CBX2: variants seen among roughly 807,000 people sequenced by gnomAD.
The protein encoded by CBX2 is chromobox protein homolog 2.
A neutral mutation model predicts 21.0 loss-of-function variants in CBX2; 11 were observed. That is an observed-to-expected ratio of 0.52 (90% CI 0.33 to 0.87). The LOEUF (loss-of-function observed/expected upper bound fraction) is 0.87, where lower values mean the gene tolerates loss of function less well. CBX2 is among the 40% of genes least tolerant of loss of function. The pLI, the probability that CBX2 is intolerant of heterozygous loss-of-function variation, is 0.02. For missense variants in CBX2, 746 were observed against 724.3 expected (o/e 1.03, Z -0.34); for synonymous variants, 364 against 304.6 (o/e 1.19, Z -2.03).
chr17:79,778,826 G>A lies in CBX2; in HGVS notation c.116+399G>A, dbSNP rs1906938444. 6.6e-6 allele frequency among the ~76,000 whole-genome samples: 1 copy of A among 152,158 alleles called. No individual in the cohort carries two copies. The highest frequency in any genetic ancestry group is 2.4e-5 in the African/African-American group (1 of 41,440). On this transcript the variant is annotated intron_variant, in intron 2 of 4. Transcript: ENST00000310942. This position sits in a 1 kb window ranked among gnomAD's most constrained non-coding sequence, Gnocchi z 4.8. ...TTTTTTTCTTTCTTTTAATGGAAGG[G>A]AGGGTGTTTGGCATCCCCGGAAGGG...
intron 3 of CBX2, among the ~76,000 whole-genome samples, chr17:79,780,821 TC>T (rs1455348152): frequency 2.0e-5 from 3 of 152,094 alleles, no homozygotes; most frequent in Non-Finnish European, 4.4e-5. Context: ...GCGGAGGAGA[TC>T]CATGCAACAC....
chr17:79,777,935 G>T (rs1418303302), upstream of CBX2, among the ~76,000 whole-genome samples: 1 of 130,580 alleles, frequency 7.7e-6, no homozygotes, highest in Non-Finnish European at 1.7e-5. Flanking sequence ...CCCCGCCCCC[G>T]CCCCCGCCCG....
rs2145819479 is a variant in CBX2, at chr17:79,778,381, C to T, written c.73-3C>T. On this transcript the variant is annotated splice_polypyrimidine_tract_variant and splice_region_variant and intron_variant, in intron 1 of 4. Transcript: ENST00000310942. This position sits in a 1 kb window ranked among gnomAD's most constrained non-coding sequence, Gnocchi z 4.8. Reference sequence around the variant, plus strand: ...GCTCACGGCCCCTCTTCTCTCCCCGCAGGGCAAGCTGGAGTACCTGGTCAA... The same window carrying T: ...GCTCACGGCCCCTCTTCTCTCCCCGTAGGGCAAGCTGGAGTACCTGGTCAA... 2 of 1,584,368 alleles carry T rather than the reference C, an allele frequency of 1.3e-6. No individual in the cohort carries two copies. Among genetic ancestry groups the T allele is most frequent in the Non-Finnish European group, 8.5e-7 (1 of 1,170,250 alleles).
At position 79,783,919 on chromosome 17, in the gene CBX2, C is replaced by T. The variant is rs782371642; in HGVS notation, c.476C>T (p.Pro159Leu). The T allele has an allele frequency of 1.4e-5, 23 of 1,613,882 alleles. No individual in the cohort carries two copies. The highest frequency in any genetic ancestry group is 1.6e-4 in the Middle Eastern group (1 of 6,084). Residue 159 changes from proline to leucine, a missense_variant, in exon 5 of 5, where the codon CCC (proline) becomes CTC (leucine). By Grantham distance (98) the Pro-to-Leu change is moderately conservative. This residue lies in a region of CBX2 where 701 missense variants were observed against 650.7 expected (regional missense o/e 1.08). Coordinates refer to ENST00000310942, the MANE Select transcript of CBX2 (RefSeq NM_005189.3). The part of the protein sequence containing the change: ...ILVAKPELKD[P>L]IRKKRGRKPL... ...GTGGCCAAACCCGAGCTGAAGGATC[C>T]CATCCGGAAGAAGCGGGGACGAAAG...
upstream of CBX2, chr17:79,778,142 G>C (rs1241190310): frequency 1.8e-6 from 1 of 543,852 alleles, no homozygotes; most frequent in African/African-American, 2.1e-5. The surrounding 1 kb of genome is among the most constrained non-coding windows in gnomAD (Gnocchi z 4.8). Flanking sequence ...GGCGCCGGGC[G>C]GGGGCGGTGC....
rs1368047794 is a variant in CBX2 at position 79,778,169 on chromosome 17, G to A, written c.-67G>A. 4 of 960,064 alleles carry A rather than the reference G, an allele frequency of 4.2e-6. No individual in the cohort carries two copies. Among genetic ancestry groups the A allele is most frequent in the East Asian group, 4.2e-5 (1 of 23,612 alleles). 59.5% of individuals were successfully genotyped at this position (960,064 alleles called of 1,614,324 possible). On this transcript the variant is annotated 5_prime_UTR_variant, in exon 1 of 5. Coordinates refer to ENST00000310942, the MANE Select transcript of CBX2 (RefSeq NM_005189.3). This position sits in a 1 kb window ranked among gnomAD's most constrained non-coding sequence, Gnocchi z 4.8. ...GGGCGGTGCTTTGTGTGCTGCCGGCGGGGCGCGCGGCGGTCCGGGCGGGTG... is the reference window on the plus strand; with the variant it reads ...GGGCGGTGCTTTGTGTGCTGCCGGCAGGGCGCGCGGCGGTCCGGGCGGGTG...
chr17:79,779,137 G>T (rs563337531), intron 2 of CBX2, among the ~76,000 whole-genome samples: 8 of 152,342 alleles, frequency 5.3e-5, no homozygotes, highest in Non-Finnish European at 1.0e-4. Context: ...TAATTGGGGG[G>T]TTGGAGCGGC....
At chr17:79,782,267 A>T in intron 4 of CBX2, 7 of 1,555,586 alleles carry the variant, frequency 4.5e-6, no homozygotes, top group Non-Finnish European at 6.1e-6. Flanking sequence ...GGCTGACTGA[A>T]TAGCCAGGGG....
intron 2 of CBX2, among the ~76,000 whole-genome samples, 153 bp from the exon 3 acceptor site, chr17:79,779,209 C>G (rs530746863): frequency 1.5e-4 from 23 of 152,260 alleles, no homozygotes; most frequent in African/African-American, 5.5e-4. Context: ...GCCTCCAAAA[C>G]CTGGGTTTGG....
intron 3 of CBX2, among the ~76,000 whole-genome samples, chr17:79,780,886 A>C (rs1402472864): frequency 1.3e-5 from 2 of 152,128 alleles, no homozygotes; most frequent in South Asian, 2.1e-4. Context: ...AAGAGTATGA[A>C]CTTTGCCTGG....
At chr17:79,782,351 C>T in intron 4 of CBX2, 2 of 1,458,058 alleles carry the variant, frequency 1.4e-6, no homozygotes, top group Non-Finnish European at 1.8e-6. Context: ...TCGGGACTGT[C>T]CTGTCACCCC....
intron 4 of CBX2, chr17:79,782,614 C>A: frequency 3.7e-6 from 2 of 543,618 alleles, no homozygotes; most frequent in Middle Eastern, 8.5e-4. Flanking sequence ...AACAGGATTC[C>A]CTGCTGTAGA....
chr17:79,782,041 C>G, intron 4 of CBX2: 1 of 1,613,982 alleles, frequency 6.2e-7, no homozygotes, highest in Non-Finnish European at 8.5e-7. Context: ...TCAGCCTGTC[C>G]TGCACGCCTC....
rs1044277556 is a variant in CBX2, at chr17:79,785,346, A to G, written c.*304A>G. 2.4e-5 allele frequency: 12 copies of G among 490,968 alleles called. No individual in the cohort carries two copies. The highest frequency in any genetic ancestry group is 3.9e-5 in the African/African-American group (2 of 51,448). The allele number at this position is 490,968 out of a possible 1,614,324, so 30.4% of individuals were successfully genotyped here. ...CTGTGGCTCCAGGTGACTGTCTTGA[A>G]CAGAGCGGGCTTCTTCATGGCTGCG... On this transcript the variant is annotated 3_prime_UTR_variant, in exon 5 of 5. Transcript: ENST00000310942.
In CBX2 at chr17:79,784,745, T is replaced by G. The variant is rs782450964; in HGVS notation, c.1302T>G (p.Ser434Arg). 6.2e-7 allele frequency: 1 copy of G among 1,610,954 alleles called. No individual in the cohort carries two copies. Among genetic ancestry groups the G allele is most frequent in the African/African-American group, 1.3e-5 (1 of 74,832 alleles). ...GCAAGAGGGACTGTGTCAAGGGCAGTGCTACCCCCAGTGGGCAGGAGAGCC... is the reference window on the plus strand; with the variant it reads ...GCAAGAGGGACTGTGTCAAGGGCAGGGCTACCCCCAGTGGGCAGGAGAGCC... ...PASKRDCVKG[S>R]ATPSGQESRT... is the part of the protein sequence containing the mutation. The change falls in exon 5 of 5, where the codon AGT becomes AGG. Residue 434 changes from serine (S) to arginine (R), a missense_variant. Coordinates refer to ENST00000310942, the MANE Select transcript of CBX2 (RefSeq NM_005189.3). The surrounding 1 kb of genome is among the most constrained non-coding windows in gnomAD (Gnocchi z 5.9).
rs1555831020 is a variant in CBX2, at chr17:79,783,998, G to A, written c.555G>A (p.Val185=). ...GAAGACCCGTGAGCCTGGCCAAGGT[G>A]CTGAAGACCGCCCGGAAGGATCTGG... ...ATRRPVSLAK[V]LKTARKDLGA... Residue 185 remains valine (V), a synonymous_variant, in exon 5 of 5, where the codon GTG becomes GTA. Transcript: ENST00000310942. 1 of 1,613,478 alleles carries A rather than the reference G, an allele frequency of 6.2e-7. No homozygotes were observed. Among genetic ancestry groups the A allele is most frequent in the Non-Finnish European group, 8.5e-7 (1 of 1,180,022 alleles).
intron 3 of CBX2, 69 bp downstream of exon 3, chr17:79,779,496 G>A: frequency 7.0e-7 from 1 of 1,419,012 alleles, no homozygotes; most frequent in Non-Finnish European, 9.9e-7. Context: ...CGTGCTGGGC[G>A]CTGCTCGCCT....
At chr17:79,781,066 G>T (rs895773625) in intron 3 of CBX2, among the ~76,000 whole-genome samples, 3 of 152,048 alleles carry the variant, frequency 2.0e-5, no homozygotes, top group Non-Finnish European at 1.5e-5. Context: ...GGGGGCGGGG[G>T]GGGTACTGCG....
At chr17:79,781,633 T>C (rs1298103665) in intron 3 of CBX2, 63 bp from the exon 4 acceptor site, 10 of 1,394,966 alleles carry the variant, frequency 7.2e-6, no homozygotes, top group Admixed American at 1.7e-5. Context: ...AGCCATAGAG[T>C]CCCACATGGT....
Sources: gnomAD v4.1 joint callset for allele counts (sites outside exome capture counted in the v4.1 genomes callset) on GRCh38, gnomAD v4.1.1 for gene constraint, gnomAD v4.1.1 regional missense constraint, Gnocchi (gnomAD v3.1) non-coding constraint, MANE v1.5 for transcripts, NCBI Gene and HGNC (gene_info 2026-07-23, HGNC 2026-07-21) for gene names.